CCDC160: variants seen among roughly 807,000 people sequenced by gnomAD.
The protein encoded by CCDC160 is coiled-coil domain-containing protein 160.
For missense variants in CCDC160, 227 were observed against 215.6 expected (o/e 1.05, Z -0.33); for synonymous variants, 94 against 79.4 (o/e 1.18, Z -0.98).
downstream of CCDC160, chrX:134,246,011 G>A: frequency 4.4e-6 from 1 of 229,234 alleles, no homozygotes; most frequent in Non-Finnish European, 7.7e-6. Context: ...CAGAGTGTGT[G>A]TGTGTGTGTG....
At chrX:134,243,546 T>C (rs1295559868) in intron 1 of CCDC160, among the ~76,000 whole-genome samples, 1 of 112,100 alleles carries the variant, frequency 8.9e-6, no homozygotes, top group African/African-American at 3.2e-5. Context: ...GGCCATGAGA[T>C]TATGAAGGAG....
At chrX:134,245,487 A>G in exon 2 of CCDC160, 2 of 1,192,838 alleles carry the variant, frequency 1.7e-6, no homozygotes, top group Middle Eastern at 2.3e-4. Context: ...AAGCCAAAGA[A>G]GTCATCCACA....
At chrX:134,242,342 A>T (rs2077029873) in intron 1 of CCDC160, among the ~76,000 whole-genome samples, 1 of 111,475 alleles carries the variant, frequency 9.0e-6, no homozygotes, top group African/African-American at 3.3e-5. Context: ...GCAGATGAAT[A>T]AAGAAGAATT....
rs2077024105 is a variant in CCDC160, at chrX:134,240,615, A to C, written c.-25+3272A>C. 2.8e-5 allele frequency among the ~76,000 whole-genome samples: 3 copies of C among 105,706 alleles called. No individual in the cohort carries two copies. The South Asian group carries it at 1.3e-3, about 47-fold the overall frequency. The allele number at this position is 105,706 out of a possible 115,157, so 91.8% of individuals were successfully genotyped here. On this transcript the variant is annotated intron_variant, in intron 1 of 1. Coordinates refer to ENST00000370809, the Ensembl canonical transcript of CCDC160. ...GGAAGAATAATGGAATTTTGCAGGC[A>C]GATCTAAATTTGTGAAGAGAGATGG...
In CCDC160 at chrX:134,244,972, G is replaced by C. The variant is rs754346093; in HGVS notation, c.172G>C (p.Glu58Gln). 1.3e-4 allele frequency: 152 copies of C among 1,189,997 alleles called. No homozygotes were observed. Among genetic ancestry groups the C allele is most frequent in the Admixed American group, 9.9e-4 (43 of 43,227 alleles). Residue 58 changes from glutamate (E) to glutamine (Q), a missense_variant, in exon 2 of 2, where the codon GAA becomes CAA. Transcript: ENST00000370809. ...TTTGTCCAGTAGAAAGTTTCAGGAA[G>C]AAAGTAAATTTAAGAGGAAAAAATA...
At chrX:134,245,675 A>G (rs774458192) in exon 2 of CCDC160, 16 of 1,206,768 alleles carry the variant, frequency 1.3e-5, no homozygotes, top group Non-Finnish European at 1.8e-5. Context: ...AAGACCCTAC[A>G]AGCAAGAAAT....
intron 1 of CCDC160, among the ~76,000 whole-genome samples, chrX:134,238,172 C>T (rs1431896876): frequency 1.8e-5 from 2 of 110,994 alleles, no homozygotes; most frequent in East Asian, 5.7e-4. Context: ...TCAATAGGTG[C>T]TAAAAGTGAG....
chrX:134,246,208 C>T (rs1472628917), downstream of CCDC160: 1 of 112,975 alleles, frequency 8.9e-6, no homozygotes, highest in Non-Finnish European at 1.9e-5. Flanking sequence ...ATAAGCCTAA[C>T]ATATGCCTGT....
chrX:134,246,038 C>CGTGT (rs2077042463), downstream of CCDC160: 1 of 172,564 alleles, frequency 5.8e-6, no homozygotes, highest in African/African-American at 3.6e-5. Flanking sequence ...TGTGTGTACA[C>CGTGT]ACACACATAT....
chrX:134,244,979 A>T (rs1449316069), exon 2 of CCDC160: 2 of 1,186,290 alleles, frequency 1.7e-6, no homozygotes, highest in Non-Finnish European at 1.1e-6. Flanking sequence ...GAAGAAAGTA[A>T]ATTTAAGAGG....
At chrX:134,245,117 C>T in exon 2 of CCDC160, 1 of 1,191,584 alleles carries the variant, frequency 8.4e-7, no homozygotes, top group Non-Finnish European at 1.1e-6. Context: ...GTGGATGTTA[C>T]AACAGAAGAA....
intron 1 of CCDC160, among the ~76,000 whole-genome samples, chrX:134,241,559 C>G (rs1193672879): frequency 8.9e-6 from 1 of 112,293 alleles, no homozygotes; most frequent in Non-Finnish European, 1.9e-5. Flanking sequence ...TAGACACATA[C>G]GCCTTAACAG....
chrX:134,246,758 G>A (rs758642100), downstream of CCDC160, among the ~76,000 whole-genome samples: 117 of 112,239 alleles, frequency 1.0e-3, no homozygotes, highest in Non-Finnish European at 1.9e-3. Flanking sequence ...CCATTTGTTT[G>A]TATCAGTCAT....
intron 1 of CCDC160, among the ~76,000 whole-genome samples, 132 bp from the exon 2 acceptor site, chrX:134,238,618 G>A (rs1344358679): frequency 1.3e-4 from 14 of 110,631 alleles, no homozygotes; most frequent in African/African-American, 4.6e-4. Flanking sequence ...TGATCCGCCC[G>A]CCTCAGCCTC....
chrX:134,239,098 A>C, intron 1 of CCDC160, among the ~76,000 whole-genome samples: 1 of 111,932 alleles, frequency 8.9e-6, no homozygotes, highest in Non-Finnish European at 1.9e-5. Context: ...ATGTCAAAAA[A>C]AATTTTTTTT....
intron 1 of CCDC160, chrX:134,238,840 T>A (rs2077018818): frequency 9.0e-6 from 1 of 111,565 alleles, no homozygotes; most frequent in African/African-American, 3.3e-5. Context: ...CCCCAGGAAG[T>A]GTAAGTACAG....
chrX:134,243,247 A>G, intron 1 of CCDC160: 1 of 417,131 alleles, frequency 2.4e-6, no homozygotes, highest in Non-Finnish European at 3.0e-6. Flanking sequence ...TTTTGGACCA[A>G]TCATTTTAGT....
chrX:134,246,486 A>G (rs1283141446), downstream of CCDC160, among the ~76,000 whole-genome samples: 2 of 111,244 alleles, frequency 1.8e-5, no homozygotes, highest in African/African-American at 6.5e-5. Flanking sequence ...GTTGACCAGT[A>G]AGGGGCATTG....
At chrX:134,239,413 A>G (rs2077020561) in intron 1 of CCDC160, among the ~76,000 whole-genome samples, 1 of 112,122 alleles carries the variant, frequency 8.9e-6, no homozygotes, top group African/African-American at 3.2e-5. Context: ...TAAATTGCCA[A>G]TATATTAGGG....
Sources: gnomAD v4.1 joint callset for allele counts (sites outside exome capture counted in the v4.1 genomes callset) on GRCh38, gnomAD v4.1.1 for gene constraint, MANE v1.5 for transcripts, NCBI Gene and HGNC (gene_info 2026-07-23, HGNC 2026-07-21) for gene names.